The following GABRA3 variants were observed in gnomAD, a reference collection of about 807,000 sequenced individuals.
GABRA3 encodes gamma-aminobutyric acid type A receptor subunit alpha3, also known as gamma-aminobutyric acid receptor subunit alpha-3.
A neutral mutation model predicts 30.1 loss-of-function variants in GABRA3; 10 were observed. The observed-to-expected ratio is 0.33, with a 90% CI of 0.20 to 0.56. The LOEUF (loss-of-function observed/expected upper bound fraction) is 0.56. GABRA3 is among the 20% of genes least tolerant of loss of function. The pLI is 0.89. For synonymous variants in GABRA3, 151 were observed against 146.8 expected, an observed-to-expected ratio of 1.03 and a Z score of -0.21; for missense variants, 233 against 392.0, an observed-to-expected ratio of 0.59 and a Z score of 3.42.
At chrX:152,232,308 T>C (rs1938096574) in intron 5 of GABRA3, among the ~76,000 whole-genome samples, 1 of 110,554 alleles carries the variant, frequency 9.0e-6, no homozygotes, top group Admixed American at 9.7e-5. Context: ...GCCATTTTGT[T>C]ACACAGATAT....
At chrX:152,208,669 G>A (rs930102128) in intron 6 of GABRA3, among the ~76,000 whole-genome samples, 3 of 111,330 alleles carry the variant, frequency 2.7e-5, no homozygotes, top group Non-Finnish European at 5.7e-5. Flanking sequence ...CTCCAGTAAT[G>A]AGTGAATTCT....
chrX:152,237,394 T>C (rs2124396578), intron 5 of GABRA3, among the ~76,000 whole-genome samples: 1 of 105,578 alleles, frequency 9.5e-6, no homozygotes, highest in Non-Finnish European at 1.9e-5. Context: ...TTTTGGTTAC[T>C]GTAGCCTTGT....
chrX:152,174,082 T>C (rs1239252943), intron 9 of GABRA3, among the ~76,000 whole-genome samples: 23 of 110,786 alleles, frequency 2.1e-4, no homozygotes, highest in South Asian at 7.7e-4. Flanking sequence ...AGAATGATGG[T>C]TTCCAGCTTC....
chrX:152,252,006 G>A (rs1260995906), intron 5 of GABRA3, among the ~76,000 whole-genome samples: 3 of 111,126 alleles, frequency 2.7e-5, no homozygotes, highest in African/African-American at 6.5e-5. Context: ...TGTCAGCGAT[G>A]TGTTATTTCT....
intron 1 of GABRA3, among the ~76,000 whole-genome samples, chrX:152,373,707 C>A (rs1464943948): frequency 2.7e-5 from 3 of 110,638 alleles, no homozygotes; most frequent in African/African-American, 9.9e-5. Context: ...ATACATGTGT[C>A]GTGTTGGTTT....
At chrX:152,171,110 A>G (rs970778790) in intron 9 of GABRA3, among the ~76,000 whole-genome samples, 1 of 111,792 alleles carries the variant, frequency 8.9e-6, no homozygotes, top group Non-Finnish European at 1.9e-5. Flanking sequence ...TTTCATGGGT[A>G]GACCAAAAAT....
rs73241873 is a variant in GABRA3, at chrX:152,203,590, G to C, written c.778+4411C>G. Among the ~76,000 whole-genome samples the C allele has an allele frequency of 5.7e-3, 632 of 111,562 alleles. 4 individuals are homozygous for C. The highest frequency in any genetic ancestry group is 9.5e-3 in the Non-Finnish European group (502 of 53,090). On this transcript the variant is annotated intron_variant, in intron 7 of 9. Transcript: ENST00000370314. ...TTCCGAAGGTCAGAAGTCTAAAATGGGTCTCACTGTGCTAAAATCAGGATG... is the reference window on the plus strand; with the variant it reads ...TTCCGAAGGTCAGAAGTCTAAAATGCGTCTCACTGTGCTAAAATCAGGATG...
chrX:152,337,615 GC>G (rs1940252949), intron 3 of GABRA3, among the ~76,000 whole-genome samples: 1 of 111,361 alleles, frequency 9.0e-6, no homozygotes, highest in African/African-American at 3.3e-5. Flanking sequence ...GATTGTTTGA[GC>G]CCAGGAGTTC....
chrX:152,327,795 G>C (rs1170781542), intron 3 of GABRA3, among the ~76,000 whole-genome samples: 3 of 111,563 alleles, frequency 2.7e-5, no homozygotes, highest in African/African-American at 9.8e-5. Flanking sequence ...AAAAGAACTA[G>C]AGAAGTAAGG....
At chrX:152,432,262 G>A (rs1191033322) in intron 1 of GABRA3, among the ~76,000 whole-genome samples, 3 of 111,454 alleles carry the variant, frequency 2.7e-5, no homozygotes, top group African/African-American at 6.5e-5. Context: ...ATGTTATTTA[G>A]AAATACGGTA....
At chrX:152,212,077 G>A (rs1453334678) in intron 6 of GABRA3, among the ~76,000 whole-genome samples, 1 of 107,433 alleles carries the variant, frequency 9.3e-6, no homozygotes, top group East Asian at 3.0e-4. Context: ...GGGGCCAAGA[G>A]TTTGAGAACA....
At chrX:152,186,599 A>ATCTC (rs765821292) in intron 9 of GABRA3, among the ~76,000 whole-genome samples, 1 of 96,309 alleles carries the variant, frequency 1.0e-5, no homozygotes, top group African/African-American at 3.8e-5. Flanking sequence ...TCCTTCCTTT[A>ATCTC]TCTCTCTCTC....
At chrX:152,201,022 G>C (rs921760899) in intron 7 of GABRA3, among the ~76,000 whole-genome samples, 1 of 112,300 alleles carries the variant, frequency 8.9e-6, no homozygotes. Flanking sequence ...TCCGGGTCCA[G>C]TGTGAAATTG....
In GABRA3 at chrX:152,177,553, T is replaced by C. The variant is rs545675307; in HGVS notation, c.1144-8990A>G. Reference sequence around the variant, plus strand: ...ACTAACACAATTAGCTGACTTACTGTCACTGTTTTTCTGAAAAAAAAAAAA... The same window carrying C: ...ACTAACACAATTAGCTGACTTACTGCCACTGTTTTTCTGAAAAAAAAAAAA... On this transcript the variant is annotated intron_variant, in intron 9 of 9. Coordinates refer to ENST00000370314, the MANE Select transcript of GABRA3 (RefSeq NM_000808.4). Among the ~76,000 whole-genome samples, 36 of 98,328 alleles carry C rather than the reference T, an allele frequency of 3.7e-4. 1 individual carries two copies. The South Asian group carries it at 0.017, about 47-fold the overall frequency. 85.4% of individuals were successfully genotyped at this position (98,328 alleles called of 115,157 possible).
At position 152,451,308 on chromosome X, in the gene GABRA3, G is replaced by A. The variant is rs1490259453; in HGVS notation, c.-189C>T. On this transcript the variant is annotated 5_prime_UTR_variant, in exon 1 of 10. Coordinates refer to ENST00000370314, the MANE Select transcript of GABRA3 (RefSeq NM_000808.4). The stretch of plus-strand genomic sequence containing the variant: ...CTCTCTGGTTTGCTCGCTAGCTTGC[G>A]CGCGCTCACGCTCTCTCGCTCTCTC... The A allele has an allele frequency of 9.9e-6, 1 of 101,108 alleles. No homozygotes were observed. Among genetic ancestry groups the A allele is most frequent in the Non-Finnish European group, 2.0e-5 (1 of 50,065 alleles). The allele number at this position is 101,108 out of a possible 1,213,427, so 8.3% of individuals were successfully genotyped here.
intron 1 of GABRA3, among the ~76,000 whole-genome samples, chrX:152,391,642 A>G (rs1348980659): frequency 8.9e-6 from 1 of 111,784 alleles, no homozygotes; most frequent in Non-Finnish European, 1.9e-5. Context: ...ATAGAATAGT[A>G]GTCAACTACT....
At chrX:152,174,567 C>T (rs1238193602) in intron 9 of GABRA3, among the ~76,000 whole-genome samples, 1 of 112,055 alleles carries the variant, frequency 8.9e-6, no homozygotes, top group Admixed American at 9.4e-5. Flanking sequence ...TTTCATGTGT[C>T]TTTTGGCTGC....
rs4828593 is a variant in GABRA3 at position 152,451,135 on chromosome X, A to G, written c.-27+11T>C. On this transcript the variant is annotated intron_variant, in intron 1 of 9. Coordinates refer to ENST00000370314, the MANE Select transcript of GABRA3 (RefSeq NM_000808.4). ...GGGGGAGGGGGAAGAAGGAACATCA[A>G]TGTTTCTTACCGAGCTCTACAGTCT... 5.4e-5 allele frequency: 6 copies of G among 111,873 alleles called. No homozygotes were observed. The highest frequency in any genetic ancestry group is 1.9e-4 in the Admixed American group (2 of 10,575). The allele number at this position is 111,873 out of a possible 1,213,427, so 9.2% of individuals were successfully genotyped here.
chrX:152,400,779 G>T (rs754127464), intron 1 of GABRA3, among the ~76,000 whole-genome samples: 1 of 111,425 alleles, frequency 9.0e-6, no homozygotes, highest in Admixed American at 9.6e-5. Flanking sequence ...CAGAGAGATG[G>T]GGCAGAGGAA....
Sources: gnomAD v4.1 joint callset for allele counts (sites outside exome capture counted in the v4.1 genomes callset) on GRCh38, gnomAD v4.1.1 for gene constraint, MANE v1.5 for transcripts, NCBI Gene and HGNC (gene_info 2026-07-23, HGNC 2026-07-21) for gene names.